TRPM5: variants seen among roughly 807,000 people sequenced by gnomAD.
TRPM5 encodes the protein transient receptor potential cation channel subfamily M member 5, also known as MLSN1 and TRP-related.
TRPM5 carries 121 observed loss-of-function variants against 124.9 expected under a neutral mutation model. That is an observed-to-expected ratio of 0.97 (90% CI 0.84 to 1.13). The LOEUF (loss-of-function observed/expected upper bound fraction) is 1.13, where lower values mean the gene tolerates loss of function less well. TRPM5 is among the 50% of genes most tolerant of loss of function. TRPM5 has a pLI of 0.00. For missense variants in TRPM5, 1,643 were observed against 1,589.1 expected (o/e 1.03, Z -0.58); for synonymous variants, 781 against 700.5 (o/e 1.11, Z -1.81).
exon 2 of TRPM5, chr11:2,422,290 G>C (rs767702033): frequency 1.2e-6 from 2 of 1,612,154 alleles, no homozygotes. Context: ...AAAGAGCACA[G>C]ACGGGGCCAC....
chr11:2,406,019 C>G (rs763970655), exon 22 of TRPM5: 9 of 1,611,188 alleles, frequency 5.6e-6, no homozygotes, highest in Non-Finnish European at 6.8e-6. Flanking sequence ...GCTCGCTTGC[C>G]TGTGACTCCA....
At chr11:2,439,723 G>T in the TRPM5 span, among the ~76,000 whole-genome samples, 1 of 152,216 alleles carries the variant, frequency 6.6e-6, no homozygotes, top group Admixed American at 6.5e-5. Flanking sequence ...TATACACTGT[G>T]GGTGGGAATG....
chr11:2,424,660 G>C (rs903206323), upstream of TRPM5, among the ~76,000 whole-genome samples: 4 of 152,262 alleles, frequency 2.6e-5, no homozygotes, highest in Admixed American at 1.3e-4. Context: ...GACACCTGGA[G>C]CCCCGAAGCT....
chr11:2,422,886 C>T (rs760699182), intron 1 of TRPM5, 34 bp downstream of exon 6: 8 of 1,574,132 alleles, frequency 5.1e-6, no homozygotes, highest in South Asian at 2.2e-5. Context: ...CAGGTCAAGG[C>T]GGACATCACC....
At chr11:2,440,477 C>G in the TRPM5 span, among the ~76,000 whole-genome samples, 1 of 152,188 alleles carries the variant, frequency 6.6e-6, no homozygotes, top group Non-Finnish European at 1.5e-5. The surrounding 1 kb of genome is among the most constrained non-coding windows in gnomAD (Gnocchi z 5.2). Flanking sequence ...TGCCCCATCT[C>G]CTACCCTCCC....
chr11:2,439,213 C>T, the TRPM5 span, among the ~76,000 whole-genome samples: 1 of 152,208 alleles, frequency 6.6e-6, no homozygotes, highest in Admixed American at 6.5e-5. Flanking sequence ...AGACCTCAAA[C>T]TATAAGACTA....
At chr11:2,412,895 G>A (rs1295617107) in exon 15 of TRPM5, 21 of 1,597,450 alleles carry the variant, frequency 1.3e-5, no homozygotes, top group South Asian at 2.3e-5. Context: ...ACATGACCAC[G>A]TTCCCCAGGA....
At chr11:2,412,338 A>AGGATCAGGGTTCAGTGTGCCATGG (rs60397029) in intron 15 of TRPM5, 85 bp from the exon 21 acceptor site, 3 of 1,018,538 alleles carry the variant, frequency 2.9e-6, no homozygotes, top group Middle Eastern at 2.7e-4. Flanking sequence ...TGGATCTGTA[A>AGGATCAGGGTTCAGTGTGCCATGG]GGATCAGGGT....
At position 2,413,597 on chromosome 11, in the gene TRPM5, A is replaced by G; in HGVS notation, c.1891-9T>C. 3 of 1,610,424 alleles carry G rather than the reference A, an allele frequency of 1.9e-6. No individual in the cohort carries two copies. Among genetic ancestry groups the G allele is most frequent in the Non-Finnish European group, 2.5e-6 (3 of 1,178,556 alleles). On this transcript the variant is annotated splice_polypyrimidine_tract_variant and intron_variant, in intron 12 of 23. Coordinates refer to ENST00000155858, the Ensembl canonical transcript of TRPM5. ...ATCCTGGTCAGGAAGGCCTGAGGTG[A>G]AGGCAAAACTGTCGGCTCCAACTCT...
the TRPM5 span, among the ~76,000 whole-genome samples, chr11:2,435,474 C>A: frequency 5.7e-4 from 86 of 152,052 alleles, no homozygotes; most frequent in African/African-American, 2.0e-3. The surrounding 1 kb of genome is among the most constrained non-coding windows in gnomAD (Gnocchi z 4.1). Context: ...GTCATTCACC[C>A]ATGCACCCAT....
At chr11:2,407,705 C>T in intron 19 of TRPM5, 54 bp downstream of exon 24, 1 of 1,594,472 alleles carries the variant, frequency 6.3e-7, no homozygotes, top group Non-Finnish European at 8.6e-7. Context: ...TGGGGAATGA[C>T]CCTCTGCTCC....
chr11:2,410,809 C>A, intron 18 of TRPM5: 1 of 390,304 alleles, frequency 2.6e-6, no homozygotes, highest in Non-Finnish European at 5.1e-6. Context: ...AGCCAGGGTG[C>A]CTTTAGGAGC....
intron 4 of TRPM5, among the ~76,000 whole-genome samples, chr11:2,419,851 G>A (rs921350733): frequency 6.6e-6 from 1 of 152,204 alleles, no homozygotes; most frequent in Non-Finnish European, 1.5e-5. Flanking sequence ...CATACCTCAC[G>A]CCTGGCGGCG....
At chr11:2,417,705 T>TTGG in intron 7 of TRPM5, 22 bp downstream of exon 12, 3 of 1,140,678 alleles carry the variant, frequency 2.6e-6, no homozygotes, top group Non-Finnish European at 3.9e-6. Context: ...GCGCCTGCCT[T>TTGG]GCCCACCCTG....
At chr11:2,407,175 C>T (rs200599759) in exon 20 of TRPM5, 2 of 1,611,570 alleles carry the variant, frequency 1.2e-6, no homozygotes, top group East Asian at 2.2e-5. Flanking sequence ...GAGCGTCAGG[C>T]TCAGGTGGCT....
intron 18 of TRPM5, among the ~76,000 whole-genome samples, chr11:2,408,391 C>T (rs1850367976): frequency 6.6e-6 from 1 of 152,218 alleles, no homozygotes; most frequent in Admixed American, 6.5e-5. Flanking sequence ...GCCTCTACAG[C>T]ACTAATGCCT....
chr11:2,441,926 C>T, the TRPM5 span, among the ~76,000 whole-genome samples: 1 of 151,942 alleles, frequency 6.6e-6, no homozygotes, highest in Non-Finnish European at 1.5e-5. The surrounding 1 kb of genome is among the most constrained non-coding windows in gnomAD (Gnocchi z 7.2). Flanking sequence ...TGACCTCAAG[C>T]GATCAGCCTG....
intron 3 of TRPM5, 71 bp from the exon 9 acceptor site, chr11:2,420,476 C>G: frequency 2.0e-6 from 3 of 1,476,032 alleles, no homozygotes; most frequent in Non-Finnish European, 2.7e-6. Flanking sequence ...GCGGGATCCT[C>G]CCTGCCAGGC....
chr11:2,412,990 G>A lies in TRPM5; in HGVS notation c.2119C>T (p.Pro707Ser), dbSNP rs1428125696. ...GGGCCTCGGTCACCCTGAGCCCTCG[G>A]CGCCTCCACCAGCTCCTCCACCCTG... Residue 707 changes from proline to serine, a missense_variant, in exon 15 of 24, where the codon CCG becomes TCG. Transcript: ENST00000155858. The A allele has an allele frequency of 2.5e-6, 4 of 1,605,760 alleles. No homozygotes were observed. The African/African-American group carries it at 4.0e-5, about 16-fold the overall frequency.
Sources: allele counts gnomAD v4.1 joint callset (sites outside exome capture counted in the v4.1 genomes callset), GRCh38; gene constraint gnomAD v4.1.1; non-coding constraint Gnocchi (gnomAD v3.1); transcripts MANE v1.5; gene names NCBI Gene and HGNC (gene_info 2026-07-23, HGNC 2026-07-21).